The following MALRD1 variants were observed in gnomAD, a reference collection of about 807,000 sequenced individuals.
MALRD1 encodes the protein MAM and LDL receptor class A domain containing 1.
In MALRD1, 247 loss-of-function variants were observed where a neutral mutation model predicts 242.1. The ratio of observed to expected loss-of-function variants is 1.02; its 90% CI spans 0.92 to 1.13. The LOEUF is 1.13. Ranked by LOEUF, MALRD1 falls within the 50% of genes most tolerant of loss-of-function variation. MALRD1 has a pLI of 0.00. For missense variants in MALRD1, 2,989 were observed against 2,533.1 expected, an observed-to-expected ratio of 1.18 and a Z score of -3.86; for synonymous variants, 995 against 866.6, an observed-to-expected ratio of 1.15 and a Z score of -2.60.
intron 1 of MALRD1, among the ~76,000 whole-genome samples, chr10:19,060,345 C>A (rs1430401398): frequency 1.3e-5 from 2 of 152,196 alleles, no homozygotes; most frequent in Admixed American, 6.5e-5. Flanking sequence ...AGCTTCCCTG[C>A]TGCTCCCTGA....
At chr10:19,702,483 T>A (rs1389831673) in intron 38 of MALRD1, among the ~76,000 whole-genome samples, 1 of 152,222 alleles carries the variant, frequency 6.6e-6, no homozygotes, top group Non-Finnish European at 1.5e-5. Flanking sequence ...TTGTAACAGC[T>A]ATTTCCATAT....
rs552513263 is a variant in MALRD1 at position 19,620,316 on chromosome 10, C to T, written c.6137+4393C>T. Among the ~76,000 whole-genome samples, 253 of 152,152 alleles carry T rather than the reference C, an allele frequency of 1.7e-3. 1 individual carries two copies. The highest frequency in any genetic ancestry group is 3.4e-3 in the Middle Eastern group (1 of 292). ...GTAGTAGTTTTATCCTCACCGTCCTCCCACCCTCCACTCTCAAGTAGGCCT... is the reference window on the plus strand; with the variant it reads ...GTAGTAGTTTTATCCTCACCGTCCTTCCACCCTCCACTCTCAAGTAGGCCT... On this transcript the variant is annotated intron_variant, in intron 36 of 39. Transcript: ENST00000454679.
At chr10:19,284,333 G>A (rs372725586) in intron 21 of MALRD1, among the ~76,000 whole-genome samples, 182 of 149,712 alleles carry the variant, frequency 1.2e-3, no homozygotes, top group Non-Finnish European at 2.2e-3. Context: ...CATGTGCCAC[G>A]CTGGTGCGCT....
chr10:19,242,947 C>T (rs1052027413), intron 18 of MALRD1, among the ~76,000 whole-genome samples: 1 of 151,732 alleles, frequency 6.6e-6, no homozygotes, highest in African/African-American at 2.4e-5. Context: ...TAAATTAGGA[C>T]TTCCTTCTAC....
At chr10:19,266,756 T>A (rs1406483413) in intron 19 of MALRD1, among the ~76,000 whole-genome samples, 1 of 151,972 alleles carries the variant, frequency 6.6e-6, no homozygotes, top group Non-Finnish European at 1.5e-5. Context: ...ATTAATTACA[T>A]TTCTAGTAGG....
intron 38 of MALRD1, among the ~76,000 whole-genome samples, chr10:19,723,325 T>G (rs1379369892): frequency 3.3e-5 from 5 of 152,144 alleles, no homozygotes. Context: ...TACTTTCGAG[T>G]GGACAGGTTT....
At chr10:19,054,634 A>C (rs1834608017) in intron 1 of MALRD1, among the ~76,000 whole-genome samples, 1 of 152,094 alleles carries the variant, frequency 6.6e-6, no homozygotes, top group African/African-American at 2.4e-5. Flanking sequence ...TTTAGTTTCC[A>C]CATGTAGTGA....
At chr10:19,323,897 C>T in intron 21 of MALRD1, 52 bp from the exon 22 acceptor site, 2 of 1,518,228 alleles carry the variant, frequency 1.3e-6, no homozygotes, top group Non-Finnish European at 8.9e-7. Flanking sequence ...AGGCGTGAGC[C>T]ACCGTGCCCG....
chr10:19,292,336 T>G (rs1319740925), intron 21 of MALRD1, among the ~76,000 whole-genome samples: 1 of 152,120 alleles, frequency 6.6e-6, no homozygotes, highest in Non-Finnish European at 1.5e-5. Context: ...CATACCAATC[T>G]CATGATTACC....
At chr10:19,214,620 G>A (rs181137950) in intron 18 of MALRD1, among the ~76,000 whole-genome samples, 6 of 152,174 alleles carry the variant, frequency 3.9e-5, no homozygotes, top group African/African-American at 1.4e-4. Flanking sequence ...AAGTTAAAGG[G>A]TAAACATTGA....
At chr10:19,504,470 C>T (rs1048831615) in intron 31 of MALRD1, among the ~76,000 whole-genome samples, 1 of 152,006 alleles carries the variant, frequency 6.6e-6, no homozygotes, top group Non-Finnish European at 1.5e-5. Context: ...GAAGGTTGGA[C>T]AGGGATATGG....
At chr10:19,406,954 T>C (rs938414608) in intron 28 of MALRD1, among the ~76,000 whole-genome samples, 2 of 152,138 alleles carry the variant, frequency 1.3e-5, no homozygotes, top group African/African-American at 4.8e-5. Context: ...GTTTTTCATA[T>C]AGAACCCTCG....
intron 18 of MALRD1, among the ~76,000 whole-genome samples, chr10:19,237,548 A>AT (rs1838381478): frequency 2.4e-3 from 311 of 128,840 alleles, no homozygotes; most frequent in Non-Finnish European, 3.0e-3. Context: ...TTTTATGTAT[A>AT]ATTATAATTA....
At chr10:19,070,263 C>T (rs1429016471) in intron 2 of MALRD1, among the ~76,000 whole-genome samples, 1 of 152,114 alleles carries the variant, frequency 6.6e-6, no homozygotes, top group Non-Finnish European at 1.5e-5. Flanking sequence ...AGAACCATAG[C>T]TTAGCCTAGC....
chr10:19,281,619 T>G (rs912218178), intron 20 of MALRD1, among the ~76,000 whole-genome samples: 2 of 152,190 alleles, frequency 1.3e-5, no homozygotes, highest in Non-Finnish European at 2.9e-5. Context: ...TAAAATAGTA[T>G]GACAAATCTG....
At chr10:19,636,914 C>T (rs974471883) in intron 36 of MALRD1, among the ~76,000 whole-genome samples, 32 of 136,484 alleles carry the variant, frequency 2.3e-4, no homozygotes, top group South Asian at 1.8e-3. Context: ...AAAAAAAAAA[C>T]GCAGAGTAGA....
At chr10:19,645,827 A>G (rs1589353511) in intron 36 of MALRD1, among the ~76,000 whole-genome samples, 1 of 152,322 alleles carries the variant, frequency 6.6e-6, no homozygotes, top group Middle Eastern at 3.4e-3. Flanking sequence ...ATATATACAT[A>G]TGTAACAAAC....
chr10:19,702,757 C>T (rs1053234160), intron 38 of MALRD1, among the ~76,000 whole-genome samples: 10 of 151,932 alleles, frequency 6.6e-5, no homozygotes, highest in East Asian at 1.9e-4. Flanking sequence ...TAACGTGGCT[C>T]ACCTTGAAAA....
At chr10:19,615,619 G>C (rs79018126) in intron 35 of MALRD1, among the ~76,000 whole-genome samples, 9,281 of 150,980 alleles carry the variant, frequency 0.061, 942 homozygotes, top group African/African-American at 0.21. Context: ...AAAGTCTTCT[G>C]TTTTTGCGGA....
Sources: allele counts gnomAD v4.1 joint callset (sites outside exome capture counted in the v4.1 genomes callset), GRCh38; gene constraint gnomAD v4.1.1; transcripts MANE v1.5; gene names NCBI Gene and HGNC (gene_info 2026-07-23, HGNC 2026-07-21).